The following RANBP2 variants were observed in gnomAD, a reference collection of about 807,000 sequenced individuals.
The protein encoded by RANBP2 is E3 SUMO-protein ligase RanBP2.
In RANBP2, 57 loss-of-function variants were observed where a neutral mutation model predicts 303.6. The observed-to-expected ratio is 0.19, with a 90% CI of 0.15 to 0.23. The LOEUF (loss-of-function observed/expected upper bound fraction) is 0.23. Ranked by LOEUF, RANBP2 falls within the 10% of genes least tolerant of loss-of-function variation. The pLI is 1.00. For synonymous variants in RANBP2, 1,167 were observed against 1,301.5 expected (o/e 0.90, Z 2.23); for missense variants, 3,138 against 3,780.8 (o/e 0.83, Z 4.46).
At chr2:108,976,696 C>T in the RANBP2 span, among the ~76,000 whole-genome samples, 6 of 152,184 alleles carry the variant, frequency 3.9e-5, no homozygotes, top group Non-Finnish European at 7.3e-5. Flanking sequence ...TGGGTTATAA[C>T]CCAATATTAC....
At chr2:108,723,898 T>C (rs1440418011) in intron 1 of RANBP2, among the ~76,000 whole-genome samples, 1 of 151,956 alleles carries the variant, frequency 6.6e-6, no homozygotes, top group Non-Finnish European at 1.5e-5. Flanking sequence ...AAAACATTGA[T>C]TGATTGATTG....
chr2:109,582,215 C>T, the RANBP2 span, among the ~76,000 whole-genome samples: 2 of 151,822 alleles, frequency 1.3e-5, no homozygotes, highest in Non-Finnish European at 2.9e-5. Context: ...CAGATGACAC[C>T]GACAAACTGA....
chr2:109,405,304 C>T, the RANBP2 span, among the ~76,000 whole-genome samples: 4 of 152,144 alleles, frequency 2.6e-5, no homozygotes, highest in South Asian at 4.1e-4. Flanking sequence ...CACCACTGTC[C>T]TTAGGTGCCC....
chr2:109,683,835 A>C, the RANBP2 span, among the ~76,000 whole-genome samples: 4 of 152,170 alleles, frequency 2.6e-5, no homozygotes, highest in African/African-American at 9.7e-5. Context: ...ATTGTGTGCC[A>C]ACAGTTATTC....
the RANBP2 span, among the ~76,000 whole-genome samples, chr2:109,149,116 A>G: frequency 6.6e-6 from 1 of 152,108 alleles, no homozygotes; most frequent in Non-Finnish European, 1.5e-5. Flanking sequence ...GGCTCTGGGA[A>G]GGAGCAGGGA....
intron 15 of RANBP2, 69 bp downstream of exon 15, chr2:108,754,040 T>C: frequency 6.2e-7 from 1 of 1,610,726 alleles, no homozygotes; most frequent in Non-Finnish European, 8.5e-7. Flanking sequence ...GCGTTGGTCT[T>C]ATATTTTGGT....
chr2:109,579,861 C>A, the RANBP2 span, among the ~76,000 whole-genome samples: 44 of 151,988 alleles, frequency 2.9e-4, no homozygotes, highest in Non-Finnish European at 5.9e-4. Context: ...TGGCTCATGC[C>A]TGTAATCCCA....
chr2:109,449,138 T>G, the RANBP2 span: 1 of 1,602,072 alleles, frequency 6.2e-7, no homozygotes, highest in East Asian at 2.2e-5. Context: ...AACTAACCTT[T>G]CAACCTGCTG....
At chr2:108,813,811 G>A in the RANBP2 span, among the ~76,000 whole-genome samples, 5 of 152,134 alleles carry the variant, frequency 3.3e-5, no homozygotes, top group Admixed American at 6.5e-5. Context: ...TCTGCCAGAA[G>A]TTTTGCAGAA....
the RANBP2 span, among the ~76,000 whole-genome samples, chr2:109,685,014 C>T: frequency 1.3e-5 from 2 of 151,840 alleles, no homozygotes; most frequent in Non-Finnish European, 1.5e-5. Context: ...GCTAGGATTA[C>T]AGGCACCCAC....
chr2:109,309,738 C>T, the RANBP2 span, among the ~76,000 whole-genome samples: 3 of 126,836 alleles, frequency 2.4e-5, no homozygotes, highest in Admixed American at 7.7e-5. Flanking sequence ...TCAAAAGAGA[C>T]AAAGAAGGCC....
In RANBP2 at chr2:108,784,211, C is replaced by A. The variant is rs1678456983; in HGVS notation, c.*310C>A. On this transcript the variant is annotated 3_prime_UTR_variant, in exon 29 of 29. Transcript: ENST00000283195. ...AACTATTGAAGGAATATGATATATG[C>A]AATTTAATTTTAATTCCTTTTAAGA... 8.5e-6 allele frequency: 2 copies of A among 234,832 alleles called. No individual in the cohort carries two copies. Among genetic ancestry groups the A allele is most frequent in the South Asian group, 8.3e-5 (1 of 11,996 alleles). The allele number at this position is 234,832 out of a possible 1,614,324, so 14.5% of individuals were successfully genotyped here.
At chr2:108,910,125 C>T in the RANBP2 span, among the ~76,000 whole-genome samples, 5 of 152,280 alleles carry the variant, frequency 3.3e-5, no homozygotes, top group African/African-American at 7.2e-5. Context: ...GTGTGTTGGC[C>T]GCAACAGGCA....
chr2:108,899,415 T>C, the RANBP2 span, among the ~76,000 whole-genome samples: 21,614 of 152,048 alleles, frequency 0.14, 2,638 homozygotes, highest in African/African-American at 0.33. Flanking sequence ...AGCAGACCTA[T>C]CCTAAAAGAA....
the RANBP2 span, among the ~76,000 whole-genome samples, chr2:109,229,265 A>T: frequency 6.6e-6 from 1 of 152,272 alleles, no homozygotes; most frequent in East Asian, 1.9e-4. Context: ...AGCAGTGGTG[A>T]GTAGAGTATG....
the RANBP2 span, among the ~76,000 whole-genome samples, chr2:109,032,315 C>A: frequency 6.6e-6 from 1 of 152,160 alleles, no homozygotes; most frequent in Non-Finnish European, 1.5e-5. Context: ...TCCCCACCCC[C>A]TCTTTGTTTT....
chr2:109,166,459 G>GAAAAAA, the RANBP2 span, among the ~76,000 whole-genome samples: 2 of 134,310 alleles, frequency 1.5e-5, no homozygotes, highest in Non-Finnish European at 1.6e-5. Flanking sequence ...CCTGGTGACA[G>GAAAAAA]AAAAAAAAAA....
the RANBP2 span, among the ~76,000 whole-genome samples, chr2:109,341,237 T>C: frequency 1.3e-5 from 2 of 152,190 alleles, no homozygotes; most frequent in East Asian, 1.9e-4. Context: ...AATATAATTA[T>C]CTGTAAAACA....
At chr2:108,853,913 AGT>A in the RANBP2 span, among the ~76,000 whole-genome samples, 1 of 122,840 alleles carries the variant, frequency 8.1e-6, no homozygotes. Flanking sequence ...TATATTATAT[AGT>A]ATATATATTA....
Sources: allele counts gnomAD v4.1 joint callset (sites outside exome capture counted in the v4.1 genomes callset), GRCh38; gene constraint gnomAD v4.1.1; transcripts MANE v1.5; gene names NCBI Gene and HGNC (gene_info 2026-07-23, HGNC 2026-07-21).